Variants in MAML3 observed in about 807,000 individuals in gnomAD.
MAML3 encodes mastermind-like protein 3.
A neutral mutation model predicts 101.9 loss-of-function variants in MAML3; 27 were observed. The ratio of observed to expected loss-of-function variants is 0.27; its 90% CI spans 0.20 to 0.37. MAML3 has a LOEUF of 0.37. Ranked by LOEUF, MAML3 falls within the 10% of genes least tolerant of loss-of-function variation. The pLI is 1.00. For synonymous variants in MAML3, 501 were observed against 555.9 expected (o/e 0.90, Z 1.39); for missense variants, 1,316 against 1,444.9 (o/e 0.91, Z 1.45).
intron 1 of MAML3, among the ~76,000 whole-genome samples, chr4:140,085,159 G>A (rs1306612022): frequency 7.9e-5 from 12 of 152,174 alleles, no homozygotes; most frequent in East Asian, 3.9e-4. Context: ...GCCACAGCAC[G>A]AAGAAACAAA....
intron 2 of MAML3, among the ~76,000 whole-genome samples, chr4:139,834,179 T>C (rs1731219445): frequency 6.6e-6 from 1 of 152,250 alleles, no homozygotes; most frequent in Admixed American, 6.5e-5. Flanking sequence ...GAAACTTATC[T>C]TCATTCCTAC....
rs888648194 is a variant in MAML3 at position 139,727,128 on chromosome 4, G to A, written c.2332-1293C>T. Among the ~76,000 whole-genome samples the A allele has an allele frequency of 6.6e-5, 10 of 152,008 alleles. No individual in the cohort carries two copies. The South Asian group carries it at 2.1e-3, about 31-fold the overall frequency. ...ATTTTTTCTCTTGTGTTTGTTCCTGGGCTGCTCTATAATTTTCTTTTCTTT... is the reference window on the plus strand; with the variant it reads ...ATTTTTTCTCTTGTGTTTGTTCCTGAGCTGCTCTATAATTTTCTTTTCTTT... On this transcript the variant is annotated intron_variant, in intron 3 of 4. Transcript: ENST00000509479.
intron 1 of MAML3, among the ~76,000 whole-genome samples, chr4:139,991,352 T>C (rs1282230968): frequency 1.3e-5 from 2 of 152,148 alleles, no homozygotes; most frequent in African/African-American, 4.8e-5. Flanking sequence ...TAGCCATATG[T>C]AGAAAGCTGA....
chr4:139,930,286 A>T (rs812751), intron 1 of MAML3, among the ~76,000 whole-genome samples: 17,390 of 152,148 alleles, frequency 0.11, 3,203 homozygotes, highest in African/African-American at 0.38. Context: ...GATGCTAAAA[A>T]ATCTAAGGGT....
chr4:140,045,785 C>A (rs1255606551), intron 1 of MAML3, among the ~76,000 whole-genome samples: 1 of 152,146 alleles, frequency 6.6e-6, no homozygotes, highest in Non-Finnish European at 1.5e-5. Flanking sequence ...GCCTCACTGA[C>A]CCATCAGAAG....
intron 4 of MAML3, among the ~76,000 whole-genome samples, chr4:139,723,306 G>GT (rs954168316): frequency 6.6e-6 from 1 of 151,564 alleles, no homozygotes; most frequent in Admixed American, 6.6e-5. Context: ...TTTGTCTCTG[G>GT]TTTTTTTTGT....
At position 140,109,492 on chromosome 4, in the gene MAML3, A is replaced by G. The variant is rs1728405345; in HGVS notation, c.468+43368T>C. On this transcript the variant is annotated intron_variant, in intron 1 of 4. Transcript: ENST00000509479. ...TTGCCTCCTCTGAAGCTACTGCATTAACACAGTAGATCAAGGGGGAAGCAG... is the reference window on the plus strand; with the variant it reads ...TTGCCTCCTCTGAAGCTACTGCATTGACACAGTAGATCAAGGGGGAAGCAG... Among the ~76,000 whole-genome samples the G allele has an allele frequency of 2.0e-5, 3 of 152,214 alleles. No homozygotes were observed. The South Asian group carries it at 6.2e-4, about 32-fold the overall frequency.
chr4:139,939,320 T>C (rs923450568), intron 1 of MAML3, among the ~76,000 whole-genome samples: 1 of 152,220 alleles, frequency 6.6e-6, no homozygotes, highest in Non-Finnish European at 1.5e-5. Flanking sequence ...CAACTCTAGA[T>C]GTCATTAAGT....
chr4:139,724,600 T>C (rs2110969154), intron 4 of MAML3, among the ~76,000 whole-genome samples: 1 of 152,262 alleles, frequency 6.6e-6, no homozygotes, highest in African/African-American at 2.4e-5. Context: ...CTTAAAGGAA[T>C]AGGTAACTTT....
chr4:139,740,192 G>C (rs1337491286), intron 2 of MAML3: 1 of 152,292 alleles, frequency 6.6e-6, no homozygotes, highest in East Asian at 1.9e-4. Flanking sequence ...CCAGCTCTCT[G>C]TGGCTTTTCT....
chr4:139,795,313 T>C (rs575448246), intron 2 of MAML3, among the ~76,000 whole-genome samples: 2 of 152,362 alleles, frequency 1.3e-5, no homozygotes, highest in African/African-American at 2.4e-5. Flanking sequence ...TGTAGACTTC[T>C]GGCTGTTGAT....
At chr4:140,024,770 G>A (rs1726792687) in intron 1 of MAML3, among the ~76,000 whole-genome samples, 1 of 152,142 alleles carries the variant, frequency 6.6e-6, no homozygotes, top group Non-Finnish European at 1.5e-5. Context: ...TAGATCAAAG[G>A]AGAAAGGCCT....
chr4:139,782,224 A>C (rs1301151630), intron 2 of MAML3, among the ~76,000 whole-genome samples: 1 of 152,208 alleles, frequency 6.6e-6, no homozygotes. Flanking sequence ...GTGTAGTGGC[A>C]CAATGATAGT....
At position 140,011,337 on chromosome 4, in the gene MAML3, G is replaced by GTTTTTTT. The variant is rs1394373852; in HGVS notation, c.469-120371_469-120370insAAAAAAA. Among the ~76,000 whole-genome samples, 15 of 109,826 alleles carry GTTTTTTT rather than the reference G, an allele frequency of 1.4e-4. 3 individuals are homozygous for GTTTTTTT. Among genetic ancestry groups the GTTTTTTT allele is most frequent in the Admixed American group, 3.4e-4 (3 of 8,906 alleles). 72.1% of individuals were successfully genotyped at this position (109,826 alleles called of 152,430 possible). The stretch of plus-strand genomic sequence containing the variant: ...GATTGGTTTTACTCAAGGTTTTCTT[G>GTTTTTTT]TTTTGTTTTTTTTTTTTTGAGACGG... On this transcript the variant is annotated intron_variant, in intron 1 of 4. Coordinates refer to ENST00000509479, the MANE Select transcript of MAML3 (RefSeq NM_018717.5).
chr4:139,889,067 TC>T, intron 2 of MAML3: 1 of 525,396 alleles, frequency 1.9e-6, no homozygotes, highest in South Asian at 1.6e-5. Flanking sequence ...CTCTGCAGCC[TC>T]CCTCCCTCAG....
In MAML3 at chr4:140,074,177, AAGAG is replaced by A. The variant is rs33972666; in HGVS notation, c.468+78679_468+78682del. Among the ~76,000 whole-genome samples, 10 of 53,580 alleles carry A rather than the reference AAGAG, an allele frequency of 1.9e-4. 1 individual carries two copies. In the South Asian group the frequency reaches 5.8e-3, roughly 31 times the overall value. 35.2% of individuals were successfully genotyped at this position (53,580 alleles called of 152,430 possible). A position where few individuals can be genotyped will look rare whatever the true frequency, so the allele number is the denominator to read the frequency against. On this transcript the variant is annotated intron_variant, in intron 1 of 4. Coordinates refer to ENST00000509479, the MANE Select transcript of MAML3 (RefSeq NM_018717.5). ...AAGAGAGAGAGAAAGGAAAGAAAGAAAGAGAGAGAGAGAGAAAGAAAGAGAAAGA... is the reference window on the plus strand; with the variant it reads ...AAGAGAGAGAGAAAGGAAAGAAAGAAAGAGAGAGAGAAAGAAAGAGAAAGA...
intron 1 of MAML3, among the ~76,000 whole-genome samples, chr4:140,016,709 G>A (rs988871308): frequency 6.6e-6 from 1 of 152,134 alleles, no homozygotes; most frequent in African/African-American, 2.4e-5. Context: ...TTCAACAAAT[G>A]GCCAGAGCAA....
chr4:139,876,519 C>T (rs1277315595), intron 2 of MAML3, among the ~76,000 whole-genome samples: 1 of 152,240 alleles, frequency 6.6e-6, no homozygotes, highest in African/African-American at 2.4e-5. Flanking sequence ...TGTGAATCGC[C>T]TCCTGTTCCA....
At chr4:140,139,029 T>C (rs1728941715) in intron 1 of MAML3, among the ~76,000 whole-genome samples, 1 of 152,152 alleles carries the variant, frequency 6.6e-6, no homozygotes, top group Non-Finnish European at 1.5e-5. Context: ...TCCAACACTT[T>C]GAGAGGCCAA....
Sources: allele counts gnomAD v4.1 joint callset (sites outside exome capture counted in the v4.1 genomes callset), GRCh38; gene constraint gnomAD v4.1.1; transcripts MANE v1.5; gene names NCBI Gene and HGNC (gene_info 2026-07-23, HGNC 2026-07-21).